Variants in SLC8A1 observed in about 807,000 individuals in gnomAD.
SLC8A1 encodes sodium/calcium exchanger 1.
SLC8A1 carries 18 observed loss-of-function variants against 68.3 expected under a neutral mutation model. That is an observed-to-expected ratio of 0.26 (90% confidence interval 0.18 to 0.39). The LOEUF (loss-of-function observed/expected upper bound fraction) is 0.39, where lower values mean the gene tolerates loss of function less well. SLC8A1 is among the 10% of genes least tolerant of loss of function. The pLI, the probability that SLC8A1 is intolerant of heterozygous loss-of-function variation, is 1.00. For missense variants in SLC8A1, 985 were observed against 1,156.7 expected (o/e 0.85, Z 2.15); for synonymous variants, 475 against 415.5 (o/e 1.14, Z -1.74).
chr2:40,239,456 C>T (rs982468607), intron 2 of SLC8A1, among the ~76,000 whole-genome samples: 7 of 152,190 alleles, frequency 4.6e-5, no homozygotes, highest in African/African-American at 9.7e-5. Context: ...ACCTCTATTT[C>T]AACCCATTGC....
chr2:40,284,264 AAT>A (rs1183658207), intron 2 of SLC8A1, among the ~76,000 whole-genome samples: 1 of 149,978 alleles, frequency 6.7e-6, no homozygotes, highest in African/African-American at 2.4e-5. Context: ...TCTATATATA[AAT>A]ATATAGAGAC....
chr2:40,388,009 A>G (rs1482259630), intron 2 of SLC8A1, among the ~76,000 whole-genome samples: 2 of 151,974 alleles, frequency 1.3e-5, no homozygotes, highest in Non-Finnish European at 2.9e-5. Context: ...ATACCAGTTA[A>G]TCAATTTAGC....
intron 2 of SLC8A1, among the ~76,000 whole-genome samples, chr2:40,408,974 T>C (rs932408412): frequency 6.6e-6 from 1 of 152,084 alleles, no homozygotes; most frequent in African/African-American, 2.4e-5. Context: ...TGTAACTACA[T>C]AGGAATGAAA....
intron 1 of SLC8A1, among the ~76,000 whole-genome samples, chr2:40,508,182 C>G (rs1417360111): frequency 6.6e-6 from 1 of 151,930 alleles, no homozygotes; most frequent in Admixed American, 6.6e-5. Flanking sequence ...GAATCTAACA[C>G]ATTGCTCAGA....
chr2:40,231,614 ATTC>A (rs1486866430), intron 2 of SLC8A1, among the ~76,000 whole-genome samples: 4 of 152,056 alleles, frequency 2.6e-5, no homozygotes, highest in Non-Finnish European at 5.9e-5. Context: ...CTTACAATTA[ATTC>A]TTCTGCAGAT....
intron 2 of SLC8A1, among the ~76,000 whole-genome samples, chr2:40,240,366 A>G (rs1008677281): frequency 6.6e-6 from 1 of 152,154 alleles, no homozygotes; most frequent in Non-Finnish European, 1.5e-5. Flanking sequence ...CTAACCATTC[A>G]GGATGTGATT....
At chr2:40,453,757 G>A (rs1026554802), upstream of SLC8A1, among the ~76,000 whole-genome samples, 1 of 152,216 alleles carries the variant, frequency 6.6e-6, no homozygotes, top group Non-Finnish European at 1.5e-5. Context: ...CATGGGGATT[G>A]CAGATTCTTT....
intron 7 of SLC8A1, among the ~76,000 whole-genome samples, chr2:40,121,663 A>T (rs774714352): frequency 2.6e-5 from 4 of 152,160 alleles, no homozygotes; most frequent in Admixed American, 6.5e-5. Flanking sequence ...GAAATGAGTT[A>T]ACATGAATAG....
At chr2:40,402,355 G>A (rs915054789) in intron 2 of SLC8A1, among the ~76,000 whole-genome samples, 7 of 152,160 alleles carry the variant, frequency 4.6e-5, no homozygotes, top group African/African-American at 1.4e-4. Flanking sequence ...AAAAACTCAG[G>A]AATAATTCAC....
chr2:40,397,067 T>C (rs1339181138), intron 2 of SLC8A1, among the ~76,000 whole-genome samples: 2 of 152,152 alleles, frequency 1.3e-5, no homozygotes, highest in African/African-American at 4.8e-5. Flanking sequence ...AAAGAGTGGA[T>C]CCGTGGATCA....
chr2:40,380,328 G>T (rs75474946), intron 2 of SLC8A1, among the ~76,000 whole-genome samples: 3,523 of 152,280 alleles, frequency 0.023, 58 homozygotes, highest in Non-Finnish European at 0.035. Flanking sequence ...CAGCCTGGAA[G>T]AATAATAAAT....
intron 2 of SLC8A1, among the ~76,000 whole-genome samples, chr2:40,249,570 A>G (rs949078775): frequency 1.3e-4 from 20 of 152,340 alleles, no homozygotes; most frequent in African/African-American, 4.1e-4. Context: ...AATTCACACC[A>G]TATTTAGAAG....
chr2:40,460,643 G>A (rs1250851365), intron 1 of SLC8A1, among the ~76,000 whole-genome samples: 1 of 150,662 alleles, frequency 6.6e-6, no homozygotes, highest in African/African-American at 2.4e-5. Context: ...GCAGTGGCAT[G>A]ATCTGCAACC....
intron 2 of SLC8A1, among the ~76,000 whole-genome samples, chr2:40,249,949 TA>T (rs2062482274): frequency 6.6e-6 from 1 of 152,164 alleles, no homozygotes; most frequent in African/African-American, 2.4e-5. Flanking sequence ...ACCGTTATAT[TA>T]AAAAGTAAAC....
intron 1 of SLC8A1, among the ~76,000 whole-genome samples, chr2:40,463,361 A>G (rs898551355): frequency 6.6e-6 from 1 of 152,176 alleles, no homozygotes; most frequent in Non-Finnish European, 1.5e-5. Flanking sequence ...CTGCAAGATA[A>G]GCATAGTACG....
At chr2:40,376,082 G>A (rs1238342687) in intron 2 of SLC8A1, among the ~76,000 whole-genome samples, 1 of 152,008 alleles carries the variant, frequency 6.6e-6, no homozygotes, top group Non-Finnish European at 1.5e-5. Flanking sequence ...TGAATGAAGA[G>A]GTAGACTCTC....
At chr2:40,437,824 C>T (rs1389452679) in intron 1 of SLC8A1, among the ~76,000 whole-genome samples, 1 of 152,024 alleles carries the variant, frequency 6.6e-6, no homozygotes, top group Non-Finnish European at 1.5e-5. Context: ...CTTAGCCACT[C>T]ATATATGCCA....
intron 2 of SLC8A1, among the ~76,000 whole-genome samples, chr2:40,317,775 T>C (rs945870861): frequency 9.2e-5 from 14 of 152,128 alleles, no homozygotes; most frequent in African/African-American, 2.4e-4. Context: ...CTGAAAATTA[T>C]GGCAATGTTT....
intron 1 of SLC8A1, among the ~76,000 whole-genome samples, chr2:40,500,823 T>A (rs1186866736): frequency 6.9e-6 from 1 of 144,480 alleles, no homozygotes; most frequent in Non-Finnish European, 1.5e-5. Context: ...TTTTTTTTTT[T>A]TGGCTTTTGC....
Sources: gnomAD v4.1 joint callset for allele counts (sites outside exome capture counted in the v4.1 genomes callset) on GRCh38, gnomAD v4.1.1 for gene constraint, MANE v1.5 for transcripts, NCBI Gene and HGNC (gene_info 2026-07-23, HGNC 2026-07-21) for gene names.